N4BP2L2: variants seen among roughly 807,000 people sequenced by gnomAD.
The protein encoded by N4BP2L2 is NEDD4-binding protein 2-like 2.
N4BP2L2 carries 50 observed loss-of-function variants against 56.2 expected under a neutral mutation model. The observed-to-expected ratio is 0.89, with a 90% confidence interval of 0.71 to 1.13. The LOEUF is 1.13. Ranked by LOEUF, N4BP2L2 falls within the 50% of genes most tolerant of loss-of-function variation. The probability of loss-of-function intolerance (pLI) is 0.00; values close to 1 mark genes in which losing one functional copy is unlikely to be tolerated. For synonymous variants in N4BP2L2, 203 were observed against 223.6 expected, an observed-to-expected ratio of 0.91 and a Z score of 0.82; for missense variants, 689 against 693.8, an observed-to-expected ratio of 0.99 and a Z score of 0.08.
At chr13:32,469,994 G>A (rs576218061) in intron 6 of N4BP2L2, among the ~76,000 whole-genome samples, 12 of 152,218 alleles carry the variant, frequency 7.9e-5, no homozygotes, top group Non-Finnish European at 4.4e-5. Context: ...CCCTGAACAC[G>A]TATAAGTTTC....
intron 6 of N4BP2L2, among the ~76,000 whole-genome samples, chr13:32,488,179 T>C (rs1003875449): frequency 6.6e-6 from 1 of 152,198 alleles, no homozygotes; most frequent in Non-Finnish European, 1.5e-5. Flanking sequence ...CTACGTTAGG[T>C]TGGATTCAGA....
chr13:32,535,718 T>C, intron 2 of N4BP2L2, 51 bp downstream of exon 2: 3 of 1,549,228 alleles, frequency 1.9e-6, no homozygotes. Context: ...ATATCATTTA[T>C]AATTTTTAAA....
intron 2 of N4BP2L2, among the ~76,000 whole-genome samples, chr13:32,533,271 G>A (rs545162618): frequency 1.4e-3 from 206 of 151,982 alleles, no homozygotes; most frequent in African/African-American, 4.4e-3. Context: ...CATCTTTATC[G>A]GGCTATCCTA....
chr13:32,508,410 T>G (rs141120071), downstream of N4BP2L2: 7 of 152,006 alleles, frequency 4.6e-5, no homozygotes, highest in African/African-American at 1.7e-4. Context: ...TAATTGACAA[T>G]GTATAAAATT....
At chr13:32,471,842 C>T (rs1021224975) in intron 6 of N4BP2L2, among the ~76,000 whole-genome samples, 18 of 152,332 alleles carry the variant, frequency 1.2e-4, no homozygotes, top group African/African-American at 2.6e-4. Context: ...AGCTATTTGT[C>T]GCCCATCCAC....
intron 6 of N4BP2L2, among the ~76,000 whole-genome samples, chr13:32,486,837 A>C (rs1224751219): frequency 6.6e-6 from 1 of 152,076 alleles, no homozygotes; most frequent in Non-Finnish European, 1.5e-5. Context: ...GTCTCCACTA[A>C]AAATACAAAA....
intron 6 of N4BP2L2, among the ~76,000 whole-genome samples, chr13:32,495,084 C>G (rs2088225003): frequency 9.4e-6 from 1 of 106,636 alleles, no homozygotes; most frequent in African/African-American, 3.6e-5. Flanking sequence ...CTCTCTGGGA[C>G]TCTACCTATC....
chr13:32,517,731 T>C, exon 6 of N4BP2L2: 1 of 1,542,390 alleles, frequency 6.5e-7, no homozygotes, highest in Non-Finnish European at 8.7e-7. Context: ...TGAAACTACT[T>C]AAACTCCAAG....
intron 6 of N4BP2L2, among the ~76,000 whole-genome samples, chr13:32,452,889 A>G (rs1223019239): frequency 6.6e-6 from 1 of 152,214 alleles, no homozygotes; most frequent in Non-Finnish European, 1.5e-5. Context: ...GTCCCTCTGT[A>G]TTCATGAAAG....
chr13:32,437,413 A>C (rs2138176023), intron 8 of N4BP2L2, among the ~76,000 whole-genome samples: 1 of 152,294 alleles, frequency 6.6e-6, no homozygotes, highest in South Asian at 2.1e-4. Context: ...TGATTCACTA[A>C]ATTTTGATTT....
chr13:32,477,834 A>G, intron 6 of N4BP2L2: 1 of 1,272,108 alleles, frequency 7.9e-7, no homozygotes, highest in Non-Finnish European at 1.0e-6. Flanking sequence ...TTATTGGCAT[A>G]GTTGTTTGCA....
At chr13:32,448,328 G>A (rs2077345960) in intron 6 of N4BP2L2, among the ~76,000 whole-genome samples, 2 of 152,120 alleles carry the variant, frequency 1.3e-5, no homozygotes, top group South Asian at 4.1e-4. Context: ...ATCATTAAAT[G>A]TGATCTCACT....
chr13:32,498,867 A>C (rs2089362615), intron 6 of N4BP2L2, among the ~76,000 whole-genome samples: 1 of 150,946 alleles, frequency 6.6e-6, no homozygotes, highest in Admixed American at 6.6e-5. Context: ...AGGGTGGCAC[A>C]CACCTGCAGT....
intron 2 of N4BP2L2, among the ~76,000 whole-genome samples, chr13:32,530,885 T>C (rs1443875724): frequency 7.6e-6 from 1 of 131,090 alleles, no homozygotes; most frequent in African/African-American, 2.8e-5. Context: ...ACTTCGGAGA[T>C]TACTAAAAAA....
chr13:32,500,865 CTTT>C (rs368419149), intron 6 of N4BP2L2, among the ~76,000 whole-genome samples: 7 of 127,388 alleles, frequency 5.5e-5, no homozygotes, highest in East Asian at 2.3e-4. Context: ...TTAGTCTTTT[CTTT>C]TTTTTTTTTT....
chr13:32,517,128 T>C (rs2049407540), exon 6 of N4BP2L2: 3 of 984,868 alleles, frequency 3.0e-6, no homozygotes, highest in South Asian at 4.7e-5. Flanking sequence ...CTTCAAGAAC[T>C]GGCAAGCATG....
At chr13:32,462,263 A>G (rs1272321411) in intron 6 of N4BP2L2, among the ~76,000 whole-genome samples, 2 of 152,266 alleles carry the variant, frequency 1.3e-5, no homozygotes, top group Non-Finnish European at 2.9e-5. Context: ...ACTTGGACAT[A>G]GAAAAAATAA....
chr13:32,536,484 G>A (rs1272576207), exon 2 of N4BP2L2: 1 of 1,612,124 alleles, frequency 6.2e-7, no homozygotes, highest in Non-Finnish European at 8.5e-7. Context: ...TCCTTTTCAA[G>A]CTCTTCAATT....
chr13:32,538,030 C>G (rs2056997466), intron 1 of N4BP2L2, among the ~76,000 whole-genome samples: 1 of 146,364 alleles, frequency 6.8e-6, no homozygotes, highest in African/African-American at 2.6e-5. Flanking sequence ...CGAGATGGCG[C>G]CACTGCACTC....
Sources: allele counts gnomAD v4.1 joint callset (sites outside exome capture counted in the v4.1 genomes callset), GRCh38; gene constraint gnomAD v4.1.1; transcripts MANE v1.5; gene names NCBI Gene and HGNC (gene_info 2026-07-23, HGNC 2026-07-21).